KLHL1: variants seen among roughly 807,000 people sequenced by gnomAD.
The protein encoded by KLHL1 is kelch-like protein 1.
A neutral mutation model predicts 77.7 loss-of-function variants in KLHL1; 47 were observed. The ratio of observed to expected loss-of-function variants is 0.60; its 90% CI spans 0.48 to 0.77. The LOEUF (loss-of-function observed/expected upper bound fraction) is 0.77, where lower values mean the gene tolerates loss of function less well. KLHL1 is among the 30% of genes least tolerant of loss of function. The pLI is 0.00. For synonymous variants in KLHL1, 360 were observed against 325.2 expected, an observed-to-expected ratio of 1.11 and a Z score of -1.15; for missense variants, 925 against 910.8, an observed-to-expected ratio of 1.02 and a Z score of -0.20.
chr13:70,082,559 A>G (rs982161739), intron 1 of KLHL1, among the ~76,000 whole-genome samples: 2 of 152,164 alleles, frequency 1.3e-5, no homozygotes, highest in African/African-American at 4.8e-5. Flanking sequence ...CAACTTACTG[A>G]GAGAAAACAA....
chr13:69,864,170 A>T (rs1021870436), intron 5 of KLHL1, among the ~76,000 whole-genome samples: 1 of 151,990 alleles, frequency 6.6e-6, no homozygotes, highest in Non-Finnish European at 1.5e-5. Flanking sequence ...AAGTAGGATG[A>T]CCTTGTTTAC....
rs371545024 is a variant in KLHL1 at position 69,992,856 on chromosome 13, G to A, written c.498-17054C>T. 2.0e-5 allele frequency among the ~76,000 whole-genome samples: 3 copies of A among 151,520 alleles called. No individual in the cohort carries two copies. The East Asian group carries it at 5.8e-4, about 29-fold the overall frequency. On this transcript the variant is annotated intron_variant, in intron 1 of 10. Coordinates refer to ENST00000377844, the MANE Select transcript of KLHL1 (RefSeq NM_020866.3). ...TTACTTAAATAAATTAGTGAAGAAA[G>A]GCATATAGTCAATATGAGATAATGT... is the stretch of plus-strand genomic sequence containing the variant.
chr13:69,789,313 A>G (rs1334802597), intron 7 of KLHL1, among the ~76,000 whole-genome samples: 1 of 151,186 alleles, frequency 6.6e-6, no homozygotes, highest in Non-Finnish European at 1.5e-5. Flanking sequence ...TTGACAAAAT[A>G]AGTCTTATTT....
At position 69,983,820 on chromosome 13, in the gene KLHL1, G is replaced by A. The variant is rs192275899; in HGVS notation, c.498-8018C>T. On this transcript the variant is annotated intron_variant, in intron 1 of 10. Coordinates refer to ENST00000377844, the MANE Select transcript of KLHL1 (RefSeq NM_020866.3). ...CTACAACGCAATATTAACCAAAATA[G>A]CATGGCACAGGCATAAAAATAGATA... Among the ~76,000 whole-genome samples the A allele has an allele frequency of 9.2e-5, 14 of 152,020 alleles. No individual in the cohort carries two copies. In the East Asian group the frequency reaches 2.3e-3, roughly 25 times the overall value.
intron 7 of KLHL1, among the ~76,000 whole-genome samples, chr13:69,784,564 A>C (rs1876410011): frequency 6.6e-6 from 1 of 151,884 alleles, no homozygotes; most frequent in East Asian, 1.9e-4. Flanking sequence ...ACTTTAAACC[A>C]ACAAAGATCA....
chr13:69,905,256 C>T (rs563869261), intron 4 of KLHL1, among the ~76,000 whole-genome samples: 10 of 152,124 alleles, frequency 6.6e-5, no homozygotes, highest in South Asian at 4.2e-4. Flanking sequence ...TATGTAGTAA[C>T]GATGCTGATA....
intron 7 of KLHL1, among the ~76,000 whole-genome samples, chr13:69,746,829 G>C (rs1445034690): frequency 6.6e-6 from 1 of 151,942 alleles, no homozygotes; most frequent in East Asian, 1.9e-4. Context: ...GTATTCTGAA[G>C]CATATGAAAA....
intron 1 of KLHL1, among the ~76,000 whole-genome samples, chr13:70,058,781 G>A (rs910655081): frequency 2.0e-5 from 3 of 152,050 alleles, no homozygotes; most frequent in Non-Finnish European, 2.9e-5. Flanking sequence ...GAACAAAACT[G>A]GAGGAATCAC....
chr13:69,751,970 T>A (rs1400105908), intron 7 of KLHL1, among the ~76,000 whole-genome samples: 3 of 152,112 alleles, frequency 2.0e-5, no homozygotes, highest in Admixed American at 6.6e-5. Flanking sequence ...CACAGCCTGT[T>A]ATTCAAAATT....
At chr13:69,738,258 T>C (rs1377092667) in intron 8 of KLHL1, among the ~76,000 whole-genome samples, 1 of 151,964 alleles carries the variant, frequency 6.6e-6, no homozygotes, top group Non-Finnish European at 1.5e-5. Context: ...GCTTCAAAAA[T>C]CAAAGGCAGA....
At chr13:69,832,868 A>T (rs1346556111) in intron 6 of KLHL1, among the ~76,000 whole-genome samples, 1 of 152,164 alleles carries the variant, frequency 6.6e-6, no homozygotes, top group Non-Finnish European at 1.5e-5. Flanking sequence ...AGGACAACCT[A>T]TTCAACAAAT....
intron 1 of KLHL1, among the ~76,000 whole-genome samples, chr13:69,992,888 T>C (rs1593657926): frequency 6.6e-6 from 1 of 151,690 alleles, no homozygotes; most frequent in Non-Finnish European, 1.5e-5. Context: ...ATGTTTTTCC[T>C]TTTTTACTCT....
At chr13:69,964,818 C>T (rs1171487706) in intron 2 of KLHL1, among the ~76,000 whole-genome samples, 18 of 151,916 alleles carry the variant, frequency 1.2e-4, no homozygotes, top group Non-Finnish European at 1.5e-5. Flanking sequence ...AGTTACTTTT[C>T]TCCCTTTTCT....
intron 9 of KLHL1, among the ~76,000 whole-genome samples, 178 bp downstream of exon 9, chr13:69,719,183 CGTGTGTGT>C (rs761517378): frequency 4.8e-5 from 5 of 103,804 alleles, no homozygotes; most frequent in Non-Finnish European, 1.1e-4. Flanking sequence ...AAAGAAAGTA[CGTGTGTGT>C]GTGTGTGTGT....
intron 6 of KLHL1, among the ~76,000 whole-genome samples, chr13:69,821,473 C>G (rs558408214): frequency 6.6e-6 from 1 of 151,980 alleles, no homozygotes; most frequent in Admixed American, 6.6e-5. Flanking sequence ...TGCCACCATG[C>G]TTGGCTAATT....
chr13:69,777,168 G>A (rs570145213), intron 7 of KLHL1, among the ~76,000 whole-genome samples: 66 of 151,960 alleles, frequency 4.3e-4, no homozygotes, highest in African/African-American at 1.4e-3. Flanking sequence ...CATGTAAGAC[G>A]TGCCTTTGCT....
At chr13:69,972,772 A>G (rs934955902) in intron 2 of KLHL1, among the ~76,000 whole-genome samples, 4 of 151,894 alleles carry the variant, frequency 2.6e-5, no homozygotes, top group Non-Finnish European at 5.9e-5. Flanking sequence ...AAGCTCAATC[A>G]TATTTCATTT....
chr13:69,911,220 A>C (rs1375044490), intron 4 of KLHL1, among the ~76,000 whole-genome samples: 1 of 152,168 alleles, frequency 6.6e-6, no homozygotes, highest in Middle Eastern at 3.4e-3. Flanking sequence ...TTGATTCCTA[A>C]TACATTTTTC....
chr13:69,979,489 C>A (rs984983761), intron 1 of KLHL1, among the ~76,000 whole-genome samples: 1 of 151,940 alleles, frequency 6.6e-6, no homozygotes, highest in Non-Finnish European at 1.5e-5. Flanking sequence ...ATCACATATC[C>A]AAACTACTAA....
Sources: gnomAD v4.1 joint callset for allele counts (sites outside exome capture counted in the v4.1 genomes callset) on GRCh38, gnomAD v4.1.1 for gene constraint, MANE v1.5 for transcripts, NCBI Gene and HGNC (gene_info 2026-07-23, HGNC 2026-07-21) for gene names.